Variants in FGF12 observed in about 807,000 individuals in gnomAD.
The protein encoded by FGF12 is fibroblast growth factor 12.
A neutral mutation model predicts 23.6 loss-of-function variants in FGF12; 14 were observed. That is an observed-to-expected ratio of 0.59 (90% CI 0.39 to 0.93). FGF12 has a LOEUF of 0.93. Among genes scored for constraint, FGF12 ranks in the 40% least tolerant of loss-of-function variants. The pLI, the probability that FGF12 is intolerant of heterozygous loss-of-function variation, is 0.00. For synonymous variants in FGF12, 62 were observed against 77.3 expected, an observed-to-expected ratio of 0.80 and a Z score of 1.04; for missense variants, 175 against 217.8, an observed-to-expected ratio of 0.80 and a Z score of 1.24.
At chr3:192,374,499 G>A (rs1231763179) in intron 2 of FGF12, among the ~76,000 whole-genome samples, 1 of 152,084 alleles carries the variant, frequency 6.6e-6, no homozygotes, top group Admixed American at 6.5e-5. Context: ...ATTTATTATA[G>A]TTTTACCTAT....
intron 4 of FGF12, among the ~76,000 whole-genome samples, chr3:192,294,353 G>A (rs1016946519): frequency 3.9e-5 from 6 of 151,996 alleles, no homozygotes; most frequent in African/African-American, 1.5e-4. Flanking sequence ...ACATTTTTGA[G>A]AGCCCTTATG....
intron 2 of FGF12, among the ~76,000 whole-genome samples, chr3:192,632,295 C>A (rs1715417568): frequency 6.6e-6 from 1 of 152,102 alleles, no homozygotes; most frequent in Non-Finnish European, 1.5e-5. Flanking sequence ...ACTTATTAAA[C>A]CATAGCATAG....
intron 4 of FGF12, among the ~76,000 whole-genome samples, chr3:192,222,039 G>C (rs1311784998): frequency 1.3e-5 from 2 of 152,140 alleles, no homozygotes; most frequent in African/African-American, 4.8e-5. Flanking sequence ...CAGGAACAGA[G>C]AACATGACAG....
chr3:192,566,287 C>G (rs1712276413), intron 2 of FGF12, among the ~76,000 whole-genome samples: 1 of 152,212 alleles, frequency 6.6e-6, no homozygotes, highest in Admixed American at 6.5e-5. Flanking sequence ...AATCACTGCT[C>G]TGTACTCTTT....
intron 2 of FGF12, among the ~76,000 whole-genome samples, chr3:192,489,848 G>T (rs891532728): frequency 6.6e-6 from 1 of 151,990 alleles, no homozygotes; most frequent in Non-Finnish European, 1.5e-5. Flanking sequence ...GCTGGGAAGA[G>T]GGAGAGGATC....
At chr3:192,618,314 G>A (rs570871206) in intron 2 of FGF12, among the ~76,000 whole-genome samples, 3 of 151,780 alleles carry the variant, frequency 2.0e-5, no homozygotes, top group Non-Finnish European at 4.4e-5. Context: ...TGATAGAATT[G>A]CATTCCAAAC....
intron 2 of FGF12, among the ~76,000 whole-genome samples, chr3:192,405,649 A>ACTTTG (rs1460366994): frequency 0.012 from 1,685 of 144,246 alleles, 43 homozygotes; most frequent in African/African-American, 0.042. Flanking sequence ...GTGATTATAA[A>ACTTTG]ACAGATTCGA....
At chr3:192,381,868 T>C (rs1719829134) in intron 2 of FGF12, among the ~76,000 whole-genome samples, 1 of 152,106 alleles carries the variant, frequency 6.6e-6, no homozygotes, top group Non-Finnish European at 1.5e-5. Flanking sequence ...GGAGTTCAGA[T>C]CATTCAGAAT....
At chr3:192,322,788 T>A (rs1462094271) in intron 4 of FGF12, among the ~76,000 whole-genome samples, 1 of 152,136 alleles carries the variant, frequency 6.6e-6, no homozygotes, top group African/African-American at 2.4e-5. Flanking sequence ...GAAAACTGGA[T>A]ATCCACATGC....
intron 3 of FGF12, among the ~76,000 whole-genome samples, chr3:192,359,763 T>C (rs1718635361): frequency 6.6e-6 from 1 of 151,866 alleles, no homozygotes; most frequent in Non-Finnish European, 1.5e-5. Context: ...GAAATTATTA[T>C]TAATCTTTGA....
intron 4 of FGF12, among the ~76,000 whole-genome samples, chr3:192,171,394 C>T (rs61276827): frequency 0.07 from 10,711 of 152,190 alleles, 409 homozygotes; most frequent in Middle Eastern, 0.12. Context: ...CAAAAGGTCA[C>T]GTGATTAATT....
At chr3:192,435,157 C>G (rs1361492280) in intron 2 of FGF12, among the ~76,000 whole-genome samples, 1 of 152,120 alleles carries the variant, frequency 6.6e-6, no homozygotes, top group East Asian at 1.9e-4. Context: ...TCTCTATTTT[C>G]TACTTTAAAC....
intron 4 of FGF12, among the ~76,000 whole-genome samples, chr3:192,319,448 T>C (rs1348069084): frequency 6.6e-6 from 1 of 151,870 alleles, no homozygotes; most frequent in Non-Finnish European, 1.5e-5. Context: ...AATACAAAAA[T>C]TAGGCGGGTG....
intron 4 of FGF12, among the ~76,000 whole-genome samples, chr3:192,182,757 G>A (rs1716249271): frequency 2.0e-5 from 3 of 152,068 alleles, no homozygotes; most frequent in South Asian, 4.2e-4. Context: ...CAACATCCAG[G>A]GGGCCCTGAA....
At chr3:192,309,062 A>G (rs1273162957) in intron 4 of FGF12, among the ~76,000 whole-genome samples, 1 of 152,238 alleles carries the variant, frequency 6.6e-6, no homozygotes, top group Non-Finnish European at 1.5e-5. Context: ...CCCTCAATGT[A>G]TCATGCAGGA....
At chr3:192,569,118 GA>G (rs909561059) in intron 2 of FGF12, among the ~76,000 whole-genome samples, 108 of 152,158 alleles carry the variant, frequency 7.1e-4, no homozygotes, top group Non-Finnish European at 1.4e-3. Context: ...ATGAAAGGTA[GA>G]AAAAAAATAT....
At chr3:192,415,888 A>C (rs1721338206) in intron 2 of FGF12, among the ~76,000 whole-genome samples, 1 of 151,948 alleles carries the variant, frequency 6.6e-6, no homozygotes, top group South Asian at 2.1e-4. Context: ...ATGACCTTAA[A>C]ATGGTTTAAT....
chr3:192,351,293 G>A (rs995087490), intron 3 of FGF12, among the ~76,000 whole-genome samples: 1 of 152,078 alleles, frequency 6.6e-6, no homozygotes, highest in African/African-American at 2.4e-5. Flanking sequence ...AATGAGGGGT[G>A]GGGGAAGTAA....
At chr3:192,605,395 A>AAT (rs1264051672) in intron 2 of FGF12, among the ~76,000 whole-genome samples, 1 of 148,638 alleles carries the variant, frequency 6.7e-6, no homozygotes, top group African/African-American at 2.5e-5. Context: ...AAAAAAAAAA[A>AAT]ATCCTAGAAG....
Sources: allele counts gnomAD v4.1 joint callset (sites outside exome capture counted in the v4.1 genomes callset), GRCh38; gene constraint gnomAD v4.1.1; transcripts MANE v1.5; gene names NCBI Gene and HGNC (gene_info 2026-07-23, HGNC 2026-07-21).